ATF3: variants seen among roughly 807,000 people sequenced by gnomAD.
ATF3 encodes cyclic AMP-dependent transcription factor ATF-3.
In ATF3, 10 loss-of-function variants were observed where a neutral mutation model predicts 18.4. The ratio of observed to expected loss-of-function variants is 0.54; its 90% CI spans 0.34 to 0.92. The LOEUF (loss-of-function observed/expected upper bound fraction) is 0.92. Among genes scored for constraint, ATF3 ranks in the 40% least tolerant of loss-of-function variants. ATF3 has a pLI of 0.02. For missense variants in ATF3, 183 were observed against 222.3 expected (o/e 0.82, Z 1.12); for synonymous variants, 78 against 87.9 (o/e 0.89, Z 0.63).
intron 1 of ATF3, among the ~76,000 whole-genome samples, chr1:212,583,670 A>G (rs1200125970): frequency 2.0e-5 from 3 of 152,216 alleles, no homozygotes; most frequent in African/African-American, 7.2e-5. Flanking sequence ...CCTGGAACAG[A>G]GGTCCCAACC....
At chr1:212,591,251 G>C (rs1475661754) in intron 1 of ATF3, among the ~76,000 whole-genome samples, 1 of 152,176 alleles carries the variant, frequency 6.6e-6, no homozygotes, top group Non-Finnish European at 1.5e-5. Context: ...GTCTCCCCAG[G>C]CTCCTTAGAC....
intron 1 of ATF3, among the ~76,000 whole-genome samples, chr1:212,597,016 T>C (rs1665006950): frequency 6.6e-6 from 1 of 152,222 alleles, no homozygotes; most frequent in African/African-American, 2.4e-5. Context: ...AATGAGTGTA[T>C]GAATTTATTC....
intron 1 of ATF3, among the ~76,000 whole-genome samples, chr1:212,610,434 G>T (rs1292973029): frequency 6.6e-6 from 1 of 152,178 alleles, no homozygotes; most frequent in Non-Finnish European, 1.5e-5. Context: ...ATTGGTTGTA[G>T]AATAATGCTA....
chr1:212,608,045 C>T (rs901732009), upstream of ATF3, among the ~76,000 whole-genome samples: 3 of 152,222 alleles, frequency 2.0e-5, no homozygotes. Flanking sequence ...GGGCTGCCCT[C>T]CGCTTTTGTG....
upstream of ATF3, among the ~76,000 whole-genome samples, chr1:212,604,972 C>G (rs1248478074): frequency 3.9e-5 from 6 of 152,154 alleles, no homozygotes; most frequent in African/African-American, 1.4e-4. Flanking sequence ...CACTCCCGCC[C>G]CCTCTTGATT....
At chr1:212,571,206 T>G (rs1189410567) in intron 1 of ATF3, among the ~76,000 whole-genome samples, 2 of 152,232 alleles carry the variant, frequency 1.3e-5, no homozygotes, top group African/African-American at 4.8e-5. Flanking sequence ...TGCATTCCCT[T>G]GATAAAGTTA....
intron 1 of ATF3, among the ~76,000 whole-genome samples, chr1:212,581,319 G>A (rs1664680866): frequency 6.6e-6 from 1 of 152,156 alleles, no homozygotes; most frequent in Non-Finnish European, 1.5e-5. Flanking sequence ...TGACTTTAGT[G>A]GAAGTCCTAG....
chr1:212,609,377 G>GGGT (rs1654785581), intron 1 of ATF3, among the ~76,000 whole-genome samples: 1 of 80,290 alleles, frequency 1.2e-5, no homozygotes, highest in African/African-American at 5.1e-5. Context: ...TTCCCGGGTG[G>GGGT]GGGGGGGGGG....
intron 1 of ATF3, among the ~76,000 whole-genome samples, chr1:212,589,492 A>T (rs1664841733): frequency 6.6e-6 from 1 of 152,234 alleles, no homozygotes; most frequent in African/African-American, 2.4e-5. Context: ...AATTATAAAT[A>T]AAAAAGTTGG....
At chr1:212,615,670 G>T (rs1655090168) in intron 2 of ATF3, among the ~76,000 whole-genome samples, 1 of 151,716 alleles carries the variant, frequency 6.6e-6, no homozygotes, top group Non-Finnish European at 1.5e-5. Flanking sequence ...GGGCAAGGTG[G>T]TACATGGCCT....
intron 1 of ATF3, among the ~76,000 whole-genome samples, chr1:212,600,632 G>A (rs1381731810): frequency 2.0e-5 from 3 of 152,270 alleles, no homozygotes; most frequent in South Asian, 2.1e-4. Flanking sequence ...GAAAACGGTC[G>A]GCTCAACATC....
upstream of ATF3, among the ~76,000 whole-genome samples, chr1:212,604,108 T>C (rs1253510506): frequency 6.6e-6 from 1 of 152,228 alleles, no homozygotes; most frequent in Non-Finnish European, 1.5e-5. Context: ...GAATCTTTTA[T>C]CTTCAAATCA....
chr1:212,596,432 T>C (rs1664995552), intron 1 of ATF3, among the ~76,000 whole-genome samples: 1 of 152,254 alleles, frequency 6.6e-6, no homozygotes, highest in African/African-American at 2.4e-5. Context: ...ATTACAAAGA[T>C]GACGTTTTAC....
At chr1:212,580,893 C>T (rs1167213799) in intron 1 of ATF3, among the ~76,000 whole-genome samples, 2 of 152,244 alleles carry the variant, frequency 1.3e-5, no homozygotes, top group Admixed American at 6.5e-5. Flanking sequence ...CTCAGTCTCC[C>T]GAATAGCTGG....
chr1:212,593,911 G>A (rs1235849404), intron 1 of ATF3, among the ~76,000 whole-genome samples: 1 of 152,168 alleles, frequency 6.6e-6, no homozygotes, highest in Non-Finnish European at 1.5e-5. Context: ...TTCAATCTGT[G>A]ATGTTGAGTA....
At chr1:212,607,375 CCA>C (rs1654666228), upstream of ATF3, among the ~76,000 whole-genome samples, 1 of 152,238 alleles carries the variant, frequency 6.6e-6, no homozygotes, top group Non-Finnish European at 1.5e-5. Flanking sequence ...AAGTCCCAGG[CCA>C]CACTTGTGTC....
At chr1:212,583,358 G>A (rs1405258678) in intron 1 of ATF3, among the ~76,000 whole-genome samples, 4 of 152,044 alleles carry the variant, frequency 2.6e-5, no homozygotes, top group African/African-American at 7.2e-5. Flanking sequence ...TCAGCCTCCC[G>A]AGTTTCATTT....
intron 1 of ATF3, among the ~76,000 whole-genome samples, chr1:212,578,721 G>A (rs1183883131): frequency 6.6e-6 from 1 of 152,070 alleles, no homozygotes; most frequent in African/African-American, 2.4e-5. Context: ...CTCATTTCAG[G>A]GGAAAGTGAT....
chr1:212,608,052 T>C (rs1442780852), upstream of ATF3, among the ~76,000 whole-genome samples: 1 of 152,176 alleles, frequency 6.6e-6, no homozygotes, highest in Non-Finnish European at 1.5e-5. Flanking sequence ...CCTCCGCTTT[T>C]GTGTTAACCG....
Sources: allele counts gnomAD v4.1 joint callset (sites outside exome capture counted in the v4.1 genomes callset), GRCh38; gene constraint gnomAD v4.1.1; transcripts MANE v1.5; gene names NCBI Gene and HGNC (gene_info 2026-07-23, HGNC 2026-07-21).